Variants in PRKX observed in about 807,000 individuals in gnomAD.
The protein encoded by PRKX is protein kinase cAMP-dependent X-linked catalytic subunit, also known as cAMP-dependent protein kinase catalytic subunit PRKX.
Under a neutral mutation model 22.0 loss-of-function variants are expected in PRKX, and 12 were observed. The observed-to-expected ratio is 0.54, with a 90% CI of 0.35 to 0.88. The LOEUF is 0.88. Among genes scored for constraint, PRKX ranks in the 40% least tolerant of loss-of-function variants. The pLI, the probability that PRKX is intolerant of heterozygous loss-of-function variation, is 0.01. For missense variants in PRKX, 217 were observed against 308.0 expected (o/e 0.70, Z 2.21); for synonymous variants, 134 against 137.7 (o/e 0.97, Z 0.19).
chrX:3,701,799 G>C (rs1390531011), intron 1 of PRKX, among the ~76,000 whole-genome samples: 1 of 111,738 alleles, frequency 8.9e-6, no homozygotes, highest in Admixed American at 9.5e-5. Context: ...TGACAAGAGT[G>C]ACCTCTGGTT....
At chrX:3,693,812 T>C (rs111608833) in intron 1 of PRKX, among the ~76,000 whole-genome samples, 2,651 of 106,286 alleles carry the variant, frequency 0.025, 35 homozygotes, top group African/African-American at 0.059. Flanking sequence ...TGGTGGCGGG[T>C]GCCTGTAGTC....
chrX:3,704,346 C>A (rs1429932611), intron 1 of PRKX, among the ~76,000 whole-genome samples: 2 of 112,138 alleles, frequency 1.8e-5, no homozygotes, highest in African/African-American at 6.5e-5. Flanking sequence ...CAGTAGGATA[C>A]AAGATTTGCT....
At chrX:3,637,883 C>G (rs1252042690) in intron 4 of PRKX, among the ~76,000 whole-genome samples, 2 of 109,381 alleles carry the variant, frequency 1.8e-5, no homozygotes, top group Admixed American at 9.8e-5. Context: ...ATTCTCGTGC[C>G]TCAGACTCCC....
At chrX:3,631,453 C>T (rs1034469056) in intron 4 of PRKX, among the ~76,000 whole-genome samples, 3 of 111,260 alleles carry the variant, frequency 2.7e-5, no homozygotes, top group Admixed American at 9.5e-5. Context: ...GCCTGGAGCC[C>T]CCAGGAGCTG....
Position 3,713,578 on chromosome X carries a change from C to G in PRKX, c.-325G>C, listed in dbSNP as rs1928841192. 6.2e-6 allele frequency: 1 copy of G among 160,286 alleles called. No individual in the cohort carries two copies. The highest frequency in any genetic ancestry group is 3.1e-5 in the African/African-American group (1 of 32,382). 13.2% of individuals were successfully genotyped at this position (160,286 alleles called of 1,213,427 possible). On this transcript the variant is annotated 5_prime_UTR_variant, in exon 1 of 9. Transcript: ENST00000262848. ...GGCGAGGCGGGGGCCCTGCGCATTC[C>G]GGGTCTCGCGCCCGCCGCCTCCTCC... is the stretch of plus-strand genomic sequence containing the variant.
At chrX:3,703,573 G>A (rs942273379) in intron 1 of PRKX, among the ~76,000 whole-genome samples, 12 of 111,014 alleles carry the variant, frequency 1.1e-4, no homozygotes, top group African/African-American at 3.6e-4. Context: ...TGTTCAGACA[G>A]GGTAGGGTGA....
chrX:3,613,872 AAAAAAAAAGAAG>A (rs1235459566), intron 7 of PRKX, among the ~76,000 whole-genome samples: 27 of 103,714 alleles, frequency 2.6e-4, no homozygotes, highest in Non-Finnish European at 4.7e-4. Context: ...AAAAAAAAAA[AAAAAAAAAGAAG>A]CGTATCATCC....
At chrX:3,674,568 C>T (rs1007278995) in intron 2 of PRKX, 30 bp downstream of exon 2, 9 of 1,202,388 alleles carry the variant, frequency 7.5e-6, no homozygotes, top group African/African-American at 1.8e-5. Context: ...AGGGAGAGTG[C>T]GTGGGGAGAG....
At chrX:3,626,713 A>G (rs1460089740) in intron 4 of PRKX, among the ~76,000 whole-genome samples, 199 bp from the exon 5 acceptor site, 1 of 112,372 alleles carries the variant, frequency 8.9e-6, no homozygotes, top group Non-Finnish European at 1.9e-5. Flanking sequence ...CGTGTGCCAC[A>G]GTCCGATGCA....
intron 1 of PRKX, among the ~76,000 whole-genome samples, chrX:3,708,126 G>A (rs1474322376): frequency 1.8e-5 from 2 of 111,343 alleles, no homozygotes; most frequent in Non-Finnish European, 3.8e-5. Context: ...GAGGTCGTGA[G>A]GTTGGAGCCT....
At chrX:3,630,387 T>C (rs7888582) in intron 4 of PRKX, among the ~76,000 whole-genome samples, 3,145 of 108,787 alleles carry the variant, frequency 0.029, 92 homozygotes, top group African/African-American at 0.089. Context: ...AGTGAAACCC[T>C]GTCTCTACCA....
chrX:3,671,975 A>AT (rs2058313490), intron 2 of PRKX, among the ~76,000 whole-genome samples: 1 of 111,786 alleles, frequency 8.9e-6, no homozygotes, highest in Admixed American at 9.6e-5. Context: ...AAACAAAAAC[A>AT]TTATCTTCAC....
intron 1 of PRKX, among the ~76,000 whole-genome samples, chrX:3,697,696 C>T (rs983247641): frequency 5.4e-5 from 6 of 110,522 alleles, no homozygotes; most frequent in Non-Finnish European, 9.4e-5. Flanking sequence ...AGGTGCTCGT[C>T]GCCATGCCCG....
At chrX:3,647,973 G>A (rs1480604645) in intron 3 of PRKX, among the ~76,000 whole-genome samples, 1 of 111,220 alleles carries the variant, frequency 9.0e-6, no homozygotes. Context: ...AGAATCACAC[G>A]ACATGAGACC....
intron 3 of PRKX, among the ~76,000 whole-genome samples, chrX:3,652,009 G>C (rs1227445875): frequency 9.0e-6 from 1 of 111,556 alleles, no homozygotes; most frequent in East Asian, 2.8e-4. Flanking sequence ...TTGATTTTAT[G>C]AATGTAAATT....
rs1928842779 is a variant in PRKX, at chrX:3,713,610, G to A, written c.-357C>T. 1 of 128,192 alleles carries A rather than the reference G, an allele frequency of 7.8e-6. No individual in the cohort carries two copies. Among genetic ancestry groups the A allele is most frequent in the East Asian group, 2.1e-4 (1 of 4,846 alleles). The allele number at this position is 128,192 out of a possible 1,213,427, so 10.6% of individuals were successfully genotyped here. A position where few individuals can be genotyped will look rare whatever the true frequency, so the allele number is the denominator to read the frequency against. ...CGCGCCCGCCGCCTCCTCCAGCTCG[G>A]TAGCCGCGTGCGCGCTGTTGGGGCG... On this transcript the variant is annotated 5_prime_UTR_variant, in exon 1 of 9. Transcript: ENST00000262848.
intron 1 of PRKX, among the ~76,000 whole-genome samples, chrX:3,677,104 C>T (rs947454894): frequency 3.6e-5 from 4 of 110,804 alleles, no homozygotes; most frequent in Non-Finnish European, 7.5e-5. Flanking sequence ...AGGTAGTTAT[C>T]AGAGGGTAGG....
intron 1 of PRKX, among the ~76,000 whole-genome samples, chrX:3,712,717 G>T (rs1274852666): frequency 5.3e-5 from 6 of 112,532 alleles, no homozygotes; most frequent in African/African-American, 1.9e-4. Flanking sequence ...TGTCCCTGGG[G>T]CCGCTGCCAG....
At chrX:3,689,960 G>C (rs1463708312) in intron 1 of PRKX, among the ~76,000 whole-genome samples, 2 of 111,241 alleles carry the variant, frequency 1.8e-5, no homozygotes, top group South Asian at 3.8e-4. Flanking sequence ...CTGCGTGACA[G>C]AGCAAGACTC....
Sources: gnomAD v4.1 joint callset for allele counts (sites outside exome capture counted in the v4.1 genomes callset) on GRCh38, gnomAD v4.1.1 for gene constraint, MANE v1.5 for transcripts, NCBI Gene and HGNC (gene_info 2026-07-23, HGNC 2026-07-21) for gene names.